LARGE1: variants seen among roughly 807,000 people sequenced by gnomAD.
LARGE1 encodes the protein xylosyl- and glucuronyltransferase LARGE1.
Under a neutral mutation model 87.6 loss-of-function variants are expected in LARGE1, and 43 were observed. The ratio of observed to expected loss-of-function variants is 0.49; its 90% CI spans 0.38 to 0.63. The LOEUF is 0.63. Ranked by LOEUF, LARGE1 falls within the 30% of genes least tolerant of loss-of-function variation. The probability of loss-of-function intolerance (pLI) is 0.00; values close to 1 mark genes in which losing one functional copy is unlikely to be tolerated. For synonymous variants in LARGE1, 434 were observed against 394.6 expected (o/e 1.10, Z -1.18); for missense variants, 802 against 1,000.2 (o/e 0.80, Z 2.67).
At chr22:33,094,698 T>G in the LARGE1 span, among the ~76,000 whole-genome samples, 4 of 152,160 alleles carry the variant, frequency 2.6e-5, no homozygotes, top group African/African-American at 9.7e-5. Context: ...TTTATGACTC[T>G]CTCCCGTGTT....
intron 4 of LARGE1, among the ~76,000 whole-genome samples, chr22:33,614,677 A>AGCC (rs1342287250): frequency 1.3e-5 from 2 of 152,042 alleles, no homozygotes; most frequent in African/African-American, 4.8e-5. Flanking sequence ...CATCCAACGC[A>AGCC]GCCCCATCTC....
intron 11 of LARGE1, among the ~76,000 whole-genome samples, chr22:33,180,255 T>A (rs1010166324): frequency 2.0e-5 from 3 of 152,206 alleles, no homozygotes; most frequent in African/African-American, 7.2e-5. Flanking sequence ...TAAATTTGAA[T>A]GGTATAAATT....
intron 2 of LARGE1, among the ~76,000 whole-genome samples, chr22:33,709,964 GA>G (rs1282395148): frequency 8.1e-6 from 1 of 122,990 alleles, no homozygotes; most frequent in Non-Finnish European, 1.6e-5. Context: ...TCTCTCATCA[GA>G]CCTTTGCTAG....
intron 5 of LARGE1, among the ~76,000 whole-genome samples, chr22:33,592,603 G>C (rs1055118838): frequency 2.6e-5 from 4 of 152,136 alleles, no homozygotes; most frequent in African/African-American, 9.7e-5. Context: ...CGTATGTTCT[G>C]AAGACAAATA....
chr22:33,880,190 G>A (rs971659260), intron 1 of LARGE1, among the ~76,000 whole-genome samples: 3 of 152,178 alleles, frequency 2.0e-5, no homozygotes, highest in Non-Finnish European at 4.4e-5. Context: ...CAATAAAACA[G>A]GTTTAAGCTG....
chr22:33,281,969 C>T (rs532171228), intron 13 of LARGE1, among the ~76,000 whole-genome samples: 52 of 152,294 alleles, frequency 3.4e-4, no homozygotes, highest in Admixed American at 2.5e-3. Flanking sequence ...AGTAAAATTC[C>T]GATGGTCTAG....
chr22:33,501,380 A>T (rs1750870265), intron 6 of LARGE1, among the ~76,000 whole-genome samples: 1 of 152,180 alleles, frequency 6.6e-6, no homozygotes, highest in South Asian at 2.1e-4. Flanking sequence ...TTTGCTGCAA[A>T]AGGAGCCAGG....
intron 6 of LARGE1, among the ~76,000 whole-genome samples, chr22:33,466,777 G>A (rs553330648): frequency 2.6e-5 from 4 of 151,554 alleles, no homozygotes; most frequent in Admixed American, 6.6e-5. Context: ...GGTGGCTCAC[G>A]CCTGTAACCC....
chr22:33,475,683 G>A (rs951992845), intron 6 of LARGE1, among the ~76,000 whole-genome samples: 3 of 151,924 alleles, frequency 2.0e-5, no homozygotes, highest in Admixed American at 6.6e-5. Flanking sequence ...GAGTGGTCTC[G>A]AACTCCCGAC....
chr22:33,171,625 G>T (rs1416723385), intron 11 of LARGE1, among the ~76,000 whole-genome samples: 1 of 152,244 alleles, frequency 6.6e-6, no homozygotes, highest in East Asian at 1.9e-4. Flanking sequence ...TGATTCAGAG[G>T]ATGCAAGCCC....
intron 13 of LARGE1, among the ~76,000 whole-genome samples, chr22:33,279,857 G>A (rs554071086): frequency 1.3e-5 from 2 of 152,188 alleles, no homozygotes; most frequent in Non-Finnish European, 2.9e-5. Flanking sequence ...GCTGATGGCC[G>A]TGAACTTGTA....
At chr22:33,551,675 T>C (rs2077524607) in intron 6 of LARGE1, among the ~76,000 whole-genome samples, 1 of 152,188 alleles carries the variant, frequency 6.6e-6, no homozygotes, top group Non-Finnish European at 1.5e-5. Context: ...ATTGCCTTTA[T>C]TAGGTCCTAA....
At chr22:33,267,781 G>A (rs137934006), downstream of LARGE1, among the ~76,000 whole-genome samples, 8 of 151,590 alleles carry the variant, frequency 5.3e-5, no homozygotes, top group Non-Finnish European at 4.4e-5. Flanking sequence ...TATCACTTAC[G>A]TAGAAGATGT....
intron 11 of LARGE1, among the ~76,000 whole-genome samples, chr22:33,171,360 C>T (rs867972179): frequency 1.3e-5 from 2 of 152,340 alleles, no homozygotes; most frequent in South Asian, 4.1e-4. Context: ...TTCAAGCCTA[C>T]TGCAGAAACT....
chr22:33,697,549 CAAAA>C (rs3072289), intron 2 of LARGE1, among the ~76,000 whole-genome samples: 6 of 54,114 alleles, frequency 1.1e-4, no homozygotes, highest in African/African-American at 3.4e-4. Context: ...GACTCTGTCC[CAAAA>C]AAAAAAAAAA....
intron 3 of LARGE1, among the ~76,000 whole-genome samples, chr22:33,629,364 CTT>C (rs889349614): frequency 4.6e-5 from 7 of 152,150 alleles, no homozygotes; most frequent in African/African-American, 1.7e-4. Flanking sequence ...GGTTCAGAGA[CTT>C]TTTAAAATGG....
chr22:33,580,293 C>T (rs566128172), intron 5 of LARGE1, among the ~76,000 whole-genome samples: 2 of 151,950 alleles, frequency 1.3e-5, no homozygotes, highest in African/African-American at 4.8e-5. Context: ...TCGCTTGAAC[C>T]CAGGTGGCGG....
intron 2 of LARGE1, among the ~76,000 whole-genome samples, chr22:33,731,715 C>G (rs1218286406): frequency 6.6e-6 from 1 of 152,000 alleles, no homozygotes; most frequent in East Asian, 1.9e-4. Context: ...TATGTTAAGC[C>G]CTATCACTAA....
At chr22:33,421,511 AG>A (rs1308600213) in intron 7 of LARGE1, among the ~76,000 whole-genome samples, 6 of 152,234 alleles carry the variant, frequency 3.9e-5, no homozygotes, top group African/African-American at 9.6e-5. Flanking sequence ...ATAGGATCCC[AG>A]GTTGACCAAT....
Sources: allele counts gnomAD v4.1 joint callset (sites outside exome capture counted in the v4.1 genomes callset), GRCh38; gene constraint gnomAD v4.1.1; transcripts MANE v1.5; gene names NCBI Gene and HGNC (gene_info 2026-07-23, HGNC 2026-07-21).